ADGB: variants seen among roughly 807,000 people sequenced by gnomAD.
ADGB encodes the protein calpain-7-like protein.
In ADGB, 172 loss-of-function variants were observed where a neutral mutation model predicts 210.5. That is an observed-to-expected ratio of 0.82 (90% CI 0.72 to 0.93). The LOEUF is 0.93. Ranked by LOEUF, ADGB falls within the 40% of genes least tolerant of loss-of-function variation. The pLI is 0.00. For synonymous variants in ADGB, 658 were observed against 662.7 expected (o/e 0.99, Z 0.11); for missense variants, 2,025 against 1,964.8 (o/e 1.03, Z -0.58).
rs377115894 is a variant in ADGB at position 146,599,824 on chromosome 6, T to C, written c.74+710T>C. 2.8e-4 allele frequency among the ~76,000 whole-genome samples: 42 copies of C among 152,288 alleles called. No homozygotes were observed. The East Asian group carries it at 4.8e-3, about 17-fold the overall frequency. On this transcript the variant is annotated intron_variant, in intron 1 of 35. Coordinates refer to ENST00000397944, the MANE Select transcript of ADGB (RefSeq NM_024694.4). ...ATCCACAGCATAGGATTGGGGCTGT[T>C]TGAACTTACACCATTTCTAATGTTC...
intron 35 of ADGB, among the ~76,000 whole-genome samples, chr6:146,805,367 A>G (rs565526153): frequency 5.3e-5 from 8 of 152,292 alleles, no homozygotes; most frequent in African/African-American, 1.9e-4. Context: ...TCTAAACCCA[A>G]TTTGTGGTTC....
At chr6:146,697,819 A>G (rs1486388014) in intron 12 of ADGB, among the ~76,000 whole-genome samples, 1 of 152,208 alleles carries the variant, frequency 6.6e-6, no homozygotes, top group Non-Finnish European at 1.5e-5. Context: ...AGTAATATAA[A>G]TACAAAGAAA....
At chr6:146,650,856 A>G (rs1775691809) in intron 3 of ADGB, among the ~76,000 whole-genome samples, 1 of 152,152 alleles carries the variant, frequency 6.6e-6, no homozygotes, top group Non-Finnish European at 1.5e-5. Context: ...TTACTGGAGA[A>G]ATGTCCTCAG....
intron 3 of ADGB, among the ~76,000 whole-genome samples, chr6:146,645,411 G>A (rs1283011597): frequency 6.6e-6 from 1 of 152,026 alleles, no homozygotes; most frequent in Non-Finnish European, 1.5e-5. Flanking sequence ...TAGAGATTAA[G>A]AGATTAAATC....
chr6:146,661,944 C>T (rs146406626), intron 5 of ADGB, among the ~76,000 whole-genome samples: 177 of 152,172 alleles, frequency 1.2e-3, no homozygotes, highest in African/African-American at 4.1e-3. Context: ...TTCCAGCCTT[C>T]CAGAATTTTC....
rs1400441225 is a variant in ADGB, at chr6:146,664,220, C to T, written c.632C>T (p.Thr211Ile). 7.1e-6 allele frequency: 11 copies of T among 1,546,946 alleles called. No homozygotes were observed. The East Asian group carries it at 2.7e-4, about 38-fold the overall frequency. Residue 211 changes from threonine (T) to isoleucine (I), a missense_variant, in exon 6 of 36, where the codon ACA becomes ATA. Thr to Ile is a moderately conservative substitution (Grantham distance 89, BLOSUM62 -1). Transcript: ENST00000397944. Reference sequence around the variant, plus strand: ...TTTTAGGGTTGCTGGAGAAAGATAACAATTGATGACTTTTTGCCTTTTGAT... The same window carrying T: ...TTTTAGGGTTGCTGGAGAAAGATAATAATTGATGACTTTTTGCCTTTTGAT... ...LYWMGCWRKI[T>I]IDDFLPFDED...
At chr6:146,811,556 G>C (rs1265099398) in intron 35 of ADGB, among the ~76,000 whole-genome samples, 2 of 152,042 alleles carry the variant, frequency 1.3e-5, no homozygotes, top group Non-Finnish European at 2.9e-5. Context: ...CAAACAATTT[G>C]TCATTACAAT....
At chr6:146,637,341 A>C (rs1011028313) in intron 2 of ADGB, among the ~76,000 whole-genome samples, 1 of 152,032 alleles carries the variant, frequency 6.6e-6, no homozygotes, top group Non-Finnish European at 1.5e-5. Context: ...AACTTGAACC[A>C]AAACCCCAGG....
At chr6:146,669,221 G>C (rs1259300755) in intron 7 of ADGB, among the ~76,000 whole-genome samples, 5 of 152,034 alleles carry the variant, frequency 3.3e-5, no homozygotes, top group Admixed American at 6.6e-5. Flanking sequence ...TGTGCTAAAG[G>C]CCACTCTGCT....
chr6:146,764,154 C>T, intron 28 of ADGB, 54 bp downstream of exon 28: 1 of 1,402,494 alleles, frequency 7.1e-7, no homozygotes, highest in African/African-American at 1.5e-5. Context: ...TAACATAAAA[C>T]AAAACAATCA....
intron 13 of ADGB, among the ~76,000 whole-genome samples, chr6:146,706,843 G>C (rs1240110152): frequency 1.5e-5 from 1 of 66,876 alleles, no homozygotes; most frequent in Admixed American, 1.3e-4. Context: ...GATCAGCTTA[G>C]TGTTTTTTTT....
At chr6:146,614,211 TCCTTCCTC>T (rs1310592006) in intron 1 of ADGB, among the ~76,000 whole-genome samples, 1,024 of 35,896 alleles carry the variant, frequency 0.029, 7 homozygotes, top group African/African-American at 0.047. Flanking sequence ...CTTCCTCCCT[TCCTTCCTC>T]CCTTCCTTCC....
At chr6:146,690,166 A>C (rs1364687616) in intron 10 of ADGB, among the ~76,000 whole-genome samples, 1 of 152,154 alleles carries the variant, frequency 6.6e-6, no homozygotes, top group Non-Finnish European at 1.5e-5. Context: ...GCTCTACAGC[A>C]GAGTTGTGAG....
At chr6:146,796,604 A>G (rs996902438) in intron 33 of ADGB, among the ~76,000 whole-genome samples, 5 of 152,134 alleles carry the variant, frequency 3.3e-5, no homozygotes, top group African/African-American at 2.4e-5. Context: ...AACAAAACAG[A>G]AAGTGGGGAA....
Position 146,666,801 on chromosome 6 carries a change from C to T in ADGB, c.753-15C>T, listed in dbSNP as rs77499177. 2.9e-3 allele frequency: 4,432 copies of T among 1,531,280 alleles called. 115 individuals carry two copies. In the African/African-American group the frequency reaches 0.054, roughly 19 times the overall value. The allele number at this position is 1,531,280 out of a possible 1,614,324, so 94.9% of individuals were successfully genotyped here. ...AAATTTTGCTACCTGTAACATTATG[C>T]ATGTTCTTTTTTAGCATCCATGTAG... is the stretch of plus-strand genomic sequence containing the variant. On this transcript the variant is annotated splice_polypyrimidine_tract_variant and intron_variant, in intron 6 of 35. Coordinates refer to ENST00000397944, the MANE Select transcript of ADGB (RefSeq NM_024694.4).
At chr6:146,667,615 C>T (rs139886524) in intron 7 of ADGB, among the ~76,000 whole-genome samples, 9 of 151,836 alleles carry the variant, frequency 5.9e-5, no homozygotes, top group East Asian at 1.9e-4. Context: ...TTTAAATATC[C>T]GATGTACAAA....
At position 146,676,355 on chromosome 6, in the gene ADGB, A is replaced by T. The variant is rs201516035; in HGVS notation, c.1130A>T (p.Asp377Val). 520 of 1,549,658 alleles carry T rather than the reference A, an allele frequency of 3.4e-4. 1 individual carries two copies. In the Middle Eastern group the frequency reaches 3.7e-3, roughly 11 times the overall value. ...GACATTGGAAAGAAGAGAAGCAAAG[A>T]TGGAGAAAAAGAAAAATTCAAATTC... ...ARDIGKKRSK[D>V]GEKEKFKFSL... The change falls in exon 9 of 36, where the codon GAT (aspartate) becomes GTT (valine). Residue 377 changes from aspartate to valine, a missense_variant. Transcript: ENST00000397944.
At chr6:146,765,191 T>C (rs971598901) in intron 28 of ADGB, among the ~76,000 whole-genome samples, 4 of 152,154 alleles carry the variant, frequency 2.6e-5, no homozygotes, top group Non-Finnish European at 5.9e-5. Context: ...TATAGGCACC[T>C]AATTATCTAG....
rs185692543 is a variant in ADGB at position 146,699,629 on chromosome 6, G to A, written c.1578-1312G>A. 3.7e-4 allele frequency among the ~76,000 whole-genome samples: 57 copies of A among 152,186 alleles called. 1 individual carries two copies. Among genetic ancestry groups the A allele is most frequent in the Non-Finnish European group, 1.2e-4 (8 of 67,994 alleles). On this transcript the variant is annotated intron_variant, in intron 12 of 35. Coordinates refer to ENST00000397944, the MANE Select transcript of ADGB (RefSeq NM_024694.4). The stretch of plus-strand genomic sequence containing the variant: ...TAATGTTTTACTGGTCATCTAGGCA[G>A]CCCTCAAGCCAGCCAAGATGGCACC...
Sources: allele counts gnomAD v4.1 joint callset (sites outside exome capture counted in the v4.1 genomes callset), GRCh38; gene constraint gnomAD v4.1.1; transcripts MANE v1.5; gene names NCBI Gene and HGNC (gene_info 2026-07-23, HGNC 2026-07-21).